SLC13A4: variants seen among roughly 807,000 people sequenced by gnomAD.
SLC13A4 encodes solute carrier family 13 member 4, also known as Na(+)/sulfate cotransporter SUT-1.
A neutral mutation model predicts 72.7 loss-of-function variants in SLC13A4; 28 were observed. The ratio of observed to expected loss-of-function variants is 0.39; its 90% CI spans 0.29 to 0.53. The LOEUF (loss-of-function observed/expected upper bound fraction) is 0.53. SLC13A4 is among the 20% of genes least tolerant of loss of function. The pLI is 0.78. For synonymous variants in SLC13A4, 312 were observed against 325.5 expected (o/e 0.96, Z 0.45); for missense variants, 653 against 788.0 (o/e 0.83, Z 2.05).
chr7:135,715,856 A>G (rs1796422873), intron 2 of SLC13A4, among the ~76,000 whole-genome samples: 1 of 152,258 alleles, frequency 6.6e-6, no homozygotes, highest in Non-Finnish European at 1.5e-5. Context: ...AAATAAAAAC[A>G]AACACACACA....
chr7:135,683,225 G>A (rs935039401), intron 15 of SLC13A4: 1 of 298,322 alleles, frequency 3.4e-6, no homozygotes, highest in Non-Finnish European at 4.9e-6. Context: ...CTTGAACCTG[G>A]GAGGCAGAGG....
In SLC13A4 at chr7:135,711,963, A is replaced by ATTTT. The variant is rs529940903; in HGVS notation, c.229-3717_229-3714dup. On this transcript the variant is annotated intron_variant, in intron 2 of 15. Transcript: ENST00000682651. ...CACTACACCTGGCTAATGTTTTTGG[A>ATTTT]TTTTTTTTTTTTTTTTTTTTTTTTT... 5.8e-4 allele frequency among the ~76,000 whole-genome samples: 27 copies of ATTTT among 46,884 alleles called. 1 individual carries two copies. The highest frequency in any genetic ancestry group is 9.8e-4 in the South Asian group (1 of 1,016). 30.8% of individuals were successfully genotyped at this position (46,884 alleles called of 152,430 possible).
intron 2 of SLC13A4, among the ~76,000 whole-genome samples, chr7:135,710,375 G>A (rs980605243): frequency 1.3e-5 from 2 of 152,156 alleles, no homozygotes; most frequent in African/African-American, 2.4e-5. Context: ...CAGCCTGGGC[G>A]ACAGAGCGAG....
intron 2 of SLC13A4, among the ~76,000 whole-genome samples, chr7:135,718,503 A>G (rs1234617832): frequency 3.9e-5 from 6 of 152,164 alleles, no homozygotes; most frequent in Admixed American, 3.3e-4. Flanking sequence ...TACATCCCAG[A>G]GAGCATGAAT....
intron 2 of SLC13A4, among the ~76,000 whole-genome samples, chr7:135,710,296 G>A (rs1796270960): frequency 6.6e-6 from 1 of 152,162 alleles, no homozygotes; most frequent in South Asian, 2.1e-4. Flanking sequence ...GGCGAAGTGG[G>A]GGATGTAAAA....
chr7:135,698,469 G>T (rs1302512884), intron 8 of SLC13A4, among the ~76,000 whole-genome samples: 7 of 148,848 alleles, frequency 4.7e-5, no homozygotes, highest in Non-Finnish European at 1.0e-4. Flanking sequence ...TAAGTAGCGG[G>T]GATTACAGGC....
At chr7:135,687,563 T>C (rs759497927) in intron 13 of SLC13A4, among the ~76,000 whole-genome samples, 35 of 152,174 alleles carry the variant, frequency 2.3e-4, no homozygotes, top group Non-Finnish European at 4.4e-4. Context: ...TTTTCTTCCT[T>C]TTTTTCCTCT....
intron 10 of SLC13A4, among the ~76,000 whole-genome samples, chr7:135,693,831 C>T (rs922800316): frequency 4.6e-5 from 7 of 152,194 alleles, no homozygotes; most frequent in Admixed American, 1.3e-4. Context: ...GGAAGGAATT[C>T]ACATTTTCCA....
At chr7:135,682,645 G>C (rs1795528499) in intron 15 of SLC13A4, among the ~76,000 whole-genome samples, 1 of 152,228 alleles carries the variant, frequency 6.6e-6, no homozygotes, top group Admixed American at 6.5e-5. Flanking sequence ...CTAAATTAAG[G>C]AGTGTTAGAG....
intron 1 of SLC13A4, among the ~76,000 whole-genome samples, 193 bp downstream of exon 1, chr7:135,727,205 G>C (rs1294838571): frequency 6.6e-6 from 1 of 152,200 alleles, no homozygotes; most frequent in African/African-American, 2.4e-5. Context: ...AATGGGACTG[G>C]GATAGGAGAT....
Position 135,705,017 on chromosome 7 carries a change from A to C in SLC13A4, c.593+579T>G, listed in dbSNP as rs887862949. On this transcript the variant is annotated intron_variant, in intron 5 of 15. Coordinates refer to ENST00000682651, the MANE Select transcript of SLC13A4 (RefSeq NM_001318192.2). ...GAATCTCCAAATGGAATCAGCTGTT[A>C]ATAGAGCTTCCTCCAGGAATGTCTG... 3 of 152,820 alleles carry C rather than the reference A, an allele frequency of 2.0e-5. No individual in the cohort carries two copies. The East Asian group carries it at 5.8e-4, about 29-fold the overall frequency. The allele number at this position is 152,820 out of a possible 1,614,324, so 9.5% of individuals were successfully genotyped here.
At chr7:135,691,433 G>T in intron 12 of SLC13A4, 108 bp from the exon 13 acceptor site, 2 of 1,095,634 alleles carry the variant, frequency 1.8e-6, no homozygotes, top group East Asian at 7.7e-5. Context: ...TATTTGGGGC[G>T]GGGGCCGGGA....
intron 3 of SLC13A4, 31 bp downstream of exon 3, chr7:135,708,083 C>A: frequency 6.2e-7 from 1 of 1,606,134 alleles, no homozygotes; most frequent in South Asian, 1.1e-5. Context: ...AGAAGGATGC[C>A]CTATGTCCTG....
intron 2 of SLC13A4, among the ~76,000 whole-genome samples, chr7:135,712,870 C>T (rs1796334336): frequency 6.6e-6 from 1 of 152,144 alleles, no homozygotes; most frequent in South Asian, 2.1e-4. Context: ...AGATTTCCTG[C>T]CTTTATCAAC....
chr7:135,693,440 T>TTTGTTAACAC (rs1795836002), intron 10 of SLC13A4: 1 of 143,824 alleles, frequency 7.0e-6, no homozygotes, highest in African/African-American at 2.6e-5. Context: ...AGTGTTAACA[T>TTTGTTAACAC]GGGGTGCTAA....
chr7:135,695,959 A>G (rs1795895651), intron 8 of SLC13A4, among the ~76,000 whole-genome samples: 1 of 152,114 alleles, frequency 6.6e-6, no homozygotes, highest in African/African-American at 2.4e-5. Flanking sequence ...CCCATAAGAG[A>G]ACCAGGACTT....
intron 6 of SLC13A4, 68 bp downstream of exon 6, chr7:135,702,777 G>T: frequency 7.5e-7 from 1 of 1,325,696 alleles, no homozygotes; most frequent in Non-Finnish European, 1.1e-6. Flanking sequence ...TGAATCTTGG[G>T]TTTCCATGAA....
chr7:135,694,711 A>G (rs542396864), intron 9 of SLC13A4, among the ~76,000 whole-genome samples: 10 of 152,354 alleles, frequency 6.6e-5, no homozygotes, highest in African/African-American at 2.2e-4. Flanking sequence ...TGGAACACAC[A>G]GTGTTAGTTT....
At chr7:135,693,067 C>T (rs1286106898) in intron 10 of SLC13A4, 1 of 135,410 alleles carries the variant, frequency 7.4e-6, no homozygotes, top group Non-Finnish European at 1.5e-5. Context: ...TGCCACTGCA[C>T]TCCAGACTGG....
Sources: allele counts gnomAD v4.1 joint callset (sites outside exome capture counted in the v4.1 genomes callset), GRCh38; gene constraint gnomAD v4.1.1; transcripts MANE v1.5; gene names NCBI Gene and HGNC (gene_info 2026-07-23, HGNC 2026-07-21).